EXOC4: variants seen among roughly 807,000 people sequenced by gnomAD.
The protein encoded by EXOC4 is exocyst complex component 4.
A neutral mutation model predicts 107.2 loss-of-function variants in EXOC4; 71 were observed. That is an observed-to-expected ratio of 0.66 (90% CI 0.55 to 0.81). The LOEUF (loss-of-function observed/expected upper bound fraction) is 0.81. Ranked by LOEUF, EXOC4 falls within the 30% of genes least tolerant of loss-of-function variation. EXOC4 has a pLI of 0.00. For synonymous variants in EXOC4, 456 were observed against 441.2 expected (o/e 1.03, Z -0.42); for missense variants, 1,108 against 1,189.6 (o/e 0.93, Z 1.01).
chr7:133,571,965 C>T (rs1438373139), intron 9 of EXOC4, among the ~76,000 whole-genome samples: 3 of 152,132 alleles, frequency 2.0e-5, no homozygotes, highest in East Asian at 1.9e-4. Context: ...ATTGGCAACA[C>T]CGGAATTTTA....
chr7:133,292,431 T>A (rs1305490843), intron 3 of EXOC4, among the ~76,000 whole-genome samples: 2 of 152,224 alleles, frequency 1.3e-5, no homozygotes, highest in Non-Finnish European at 2.9e-5. Flanking sequence ...TTTTGTTAGA[T>A]TTATTTCTGG....
chr7:133,896,137 C>T lies in EXOC4; in HGVS notation c.1871+402C>T, dbSNP rs547763022. On this transcript the variant is annotated intron_variant, in intron 12 of 17. Coordinates refer to ENST00000253861, the MANE Select transcript of EXOC4 (RefSeq NM_021807.4). ...GTTTCCTTTTAATTAAAAATATATT[C>T]TTCCTGATATTTAATTTGTAGCATT... 1.4e-4 allele frequency among the ~76,000 whole-genome samples: 21 copies of T among 152,282 alleles called. No homozygotes were observed. The East Asian group carries it at 3.5e-3, about 25-fold the overall frequency.
At chr7:134,092,587 A>G in the EXOC4 span, among the ~76,000 whole-genome samples, 8 of 152,208 alleles carry the variant, frequency 5.3e-5, no homozygotes, top group East Asian at 5.8e-4. Context: ...ATTCCAACCA[A>G]GAATTTCATA....
the EXOC4 span, among the ~76,000 whole-genome samples, chr7:134,090,457 G>T: frequency 2.6e-5 from 4 of 152,188 alleles, no homozygotes; most frequent in East Asian, 7.7e-4. Context: ...AAGCACACCA[G>T]ATTTGCTACA....
At chr7:133,260,791 T>TTG (rs140959477) in intron 1 of EXOC4, among the ~76,000 whole-genome samples, 91 of 151,126 alleles carry the variant, frequency 6.0e-4, no homozygotes, top group South Asian at 1.3e-3. Flanking sequence ...ATCTCAGCAA[T>TTG]TGTGTGTGTG....
chr7:133,743,897 C>T (rs1795621151), intron 10 of EXOC4, among the ~76,000 whole-genome samples: 1 of 152,000 alleles, frequency 6.6e-6, no homozygotes, highest in Non-Finnish European at 1.5e-5. Flanking sequence ...TGTCTGCCTC[C>T]TAGGGGAAGG....
intron 10 of EXOC4, among the ~76,000 whole-genome samples, chr7:133,791,196 G>A (rs775289843): frequency 6.6e-5 from 10 of 152,192 alleles, no homozygotes; most frequent in Non-Finnish European, 1.2e-4. Context: ...GCAGCTGCCT[G>A]TTTAGGCTAC....
At chr7:133,325,378 C>T (rs942011741) in intron 5 of EXOC4, among the ~76,000 whole-genome samples, 1 of 152,154 alleles carries the variant, frequency 6.6e-6, no homozygotes, top group African/African-American at 2.4e-5. Context: ...TTAGTGCTTC[C>T]TTCAGGAGCT....
intron 13 of EXOC4, among the ~76,000 whole-genome samples, chr7:133,934,158 A>C (rs1254218759): frequency 1.3e-5 from 2 of 152,204 alleles, no homozygotes; most frequent in Non-Finnish European, 1.5e-5. Context: ...TCCATAGTAT[A>C]GATAGATCAT....
At chr7:133,644,915 G>A (rs1236440952) in intron 10 of EXOC4, among the ~76,000 whole-genome samples, 1 of 151,976 alleles carries the variant, frequency 6.6e-6, no homozygotes, top group Non-Finnish European at 1.5e-5. Flanking sequence ...TCTTCCTGTG[G>A]TGCAAACTAT....
At chr7:133,488,987 TTAA>T (rs1799321350) in intron 9 of EXOC4, among the ~76,000 whole-genome samples, 1 of 142,576 alleles carries the variant, frequency 7.0e-6, no homozygotes, top group Non-Finnish European at 1.5e-5. Context: ...ACATGTAAAC[TTAA>T]TATGTAATAT....
intron 14 of EXOC4, among the ~76,000 whole-genome samples, chr7:133,940,478 T>C (rs1800401096): frequency 6.6e-6 from 1 of 152,228 alleles, no homozygotes; most frequent in South Asian, 2.1e-4. Flanking sequence ...TGCAGGGTGA[T>C]TATTCCACCC....
At chr7:133,610,108 A>T (rs976715342) in intron 9 of EXOC4, among the ~76,000 whole-genome samples, 4 of 152,224 alleles carry the variant, frequency 2.6e-5, no homozygotes, top group Non-Finnish European at 5.9e-5. Context: ...TAAACTTGTT[A>T]TAAATTTAAT....
chr7:133,620,352 T>C (rs1171823701), intron 9 of EXOC4, among the ~76,000 whole-genome samples: 1 of 152,060 alleles, frequency 6.6e-6, no homozygotes, highest in African/African-American at 2.4e-5. Flanking sequence ...ACTAGTTACT[T>C]AAAAACAAAA....
intron 9 of EXOC4, among the ~76,000 whole-genome samples, chr7:133,526,308 A>G (rs1435376109): frequency 3.3e-5 from 5 of 152,226 alleles, no homozygotes; most frequent in African/African-American, 9.6e-5. Flanking sequence ...AATCTTATTT[A>G]TAAATCTTGA....
At chr7:133,645,049 C>T (rs1355390178) in intron 10 of EXOC4, among the ~76,000 whole-genome samples, 2 of 151,530 alleles carry the variant, frequency 1.3e-5, no homozygotes, top group African/African-American at 2.4e-5. Context: ...TTCTGCTCAT[C>T]CCTCAGCAAC....
intron 9 of EXOC4, among the ~76,000 whole-genome samples, chr7:133,523,054 G>T (rs994126521): frequency 6.6e-6 from 1 of 152,142 alleles, no homozygotes; most frequent in Non-Finnish European, 1.5e-5. Flanking sequence ...ATCGAAAGCT[G>T]TAATATAATG....
intron 2 of EXOC4, among the ~76,000 whole-genome samples, chr7:133,276,089 CTCTTCCTTCCTT>C (rs1225446949): frequency 6.6e-6 from 1 of 151,600 alleles, no homozygotes; most frequent in African/African-American, 2.4e-5. Context: ...CTCTCTTTTT[CTCTTCCTTCCTT>C]TCTTCCTTCC....
intron 7 of EXOC4, among the ~76,000 whole-genome samples, chr7:133,379,162 C>A (rs1246019983): frequency 6.6e-6 from 1 of 151,976 alleles, no homozygotes; most frequent in Non-Finnish European, 1.5e-5. Flanking sequence ...ATGCATTTTT[C>A]TTTGAAAAAT....
Sources: gnomAD v4.1 joint callset for allele counts (sites outside exome capture counted in the v4.1 genomes callset) on GRCh38, gnomAD v4.1.1 for gene constraint, MANE v1.5 for transcripts, NCBI Gene and HGNC (gene_info 2026-07-23, HGNC 2026-07-21) for gene names.